SH3BP4: variants seen among roughly 807,000 people sequenced by gnomAD.
SH3BP4 encodes SH3 domain-binding protein 4.
A neutral mutation model predicts 65.5 loss-of-function variants in SH3BP4; 33 were observed. The observed-to-expected ratio is 0.50, with a 90% CI of 0.38 to 0.67. The LOEUF (loss-of-function observed/expected upper bound fraction) is 0.67, where lower values mean the gene tolerates loss of function less well. SH3BP4 is among the 30% of genes least tolerant of loss of function. The pLI, the probability that SH3BP4 is intolerant of heterozygous loss-of-function variation, is 0.00. For missense variants in SH3BP4, 1,134 were observed against 1,261.4 expected, an observed-to-expected ratio of 0.90 and a Z score of 1.53; for synonymous variants, 552 against 545.5, an observed-to-expected ratio of 1.01 and a Z score of -0.17.
At chr2:235,036,676 A>ACC (rs1423107885) in intron 3 of SH3BP4, among the ~76,000 whole-genome samples, 1 of 151,348 alleles carries the variant, frequency 6.6e-6, no homozygotes, top group Non-Finnish European at 1.5e-5. Flanking sequence ...AATCACTTGA[A>ACC]CCCAGGAGGC....
intron 1 of SH3BP4, among the ~76,000 whole-genome samples, chr2:234,989,588 T>C (rs1369115362): frequency 6.6e-6 from 1 of 152,214 alleles, no homozygotes; most frequent in Non-Finnish European, 1.5e-5. Context: ...AGAGAGTAAC[T>C]ATTTTCCACC....
At position 235,008,388 on chromosome 2, in the gene SH3BP4, G is replaced by A. The variant is rs187489261; in HGVS notation, c.-133+13012G>A. Among the ~76,000 whole-genome samples the A allele has an allele frequency of 5.3e-5, 8 of 152,290 alleles. No homozygotes were observed. In the East Asian group the frequency reaches 7.8e-4, roughly 15 times the overall value. ...GGCCCAGGAGGGCCAGAGAGAAAAC[G>A]CCAGGAAGAACCAGCCGAGGCCTAC... On this transcript the variant is annotated intron_variant, in intron 2 of 5. Coordinates refer to ENST00000392011, the MANE Select transcript of SH3BP4 (RefSeq NM_014521.3).
rs1693228075 is a variant in SH3BP4 at position 234,978,101 on chromosome 2, A to G, written c.-206-17202A>G. Reference sequence around the variant, plus strand: ...CTCCCGAGTAGCTGGGATTACAGGCATGCGCCACCATGCCGGCTAATTTTT... The same window carrying G: ...CTCCCGAGTAGCTGGGATTACAGGCGTGCGCCACCATGCCGGCTAATTTTT... On this transcript the variant is annotated intron_variant, in intron 1 of 5. Transcript: ENST00000392011. The surrounding 1 kb of genome is among the most constrained non-coding windows in gnomAD (Gnocchi z 4.1). Among the ~76,000 whole-genome samples, 2 of 151,828 alleles carry G rather than the reference A, an allele frequency of 1.3e-5. No individual in the cohort carries two copies. Among genetic ancestry groups the G allele is most frequent in the African/African-American group, 2.4e-5 (1 of 41,334 alleles).
At chr2:234,957,955 C>T (rs1692625655) in intron 1 of SH3BP4, among the ~76,000 whole-genome samples, 1 of 152,118 alleles carries the variant, frequency 6.6e-6, no homozygotes, top group East Asian at 1.9e-4. Flanking sequence ...ACAGGTCTGT[C>T]CTCCTCCAGG....
chr2:235,018,510 T>C (rs1422398166), intron 2 of SH3BP4, among the ~76,000 whole-genome samples: 1 of 152,184 alleles, frequency 6.6e-6, no homozygotes, highest in Admixed American at 6.5e-5. Flanking sequence ...GGAGGCTTTA[T>C]TGAATAGGTA....
At position 235,007,037 on chromosome 2, in the gene SH3BP4, C is replaced by T. The variant is rs540312934; in HGVS notation, c.-133+11661C>T. 3.2e-4 allele frequency among the ~76,000 whole-genome samples: 48 copies of T among 152,042 alleles called. No individual in the cohort carries two copies. In the East Asian group the frequency reaches 7.1e-3, roughly 23 times the overall value. On this transcript the variant is annotated intron_variant, in intron 2 of 5. Transcript: ENST00000392011. ...GAACATTTAGCACAGGGCCTGGCCA[C>T]GGGTAAAGGATGTCATCTTCCCCCG...
chr2:235,055,584 A>G lies in SH3BP4; in HGVS notation c.*1768A>G, dbSNP rs1461310940. The G allele has an allele frequency of 1.3e-5, 2 of 152,634 alleles. No homozygotes were observed. Among genetic ancestry groups the G allele is most frequent in the Admixed American group, 6.5e-5 (1 of 15,284 alleles). 9.5% of individuals were successfully genotyped at this position (152,634 alleles called of 1,614,324 possible). On this transcript the variant is annotated 3_prime_UTR_variant, in exon 6 of 6. Coordinates refer to ENST00000392011, the MANE Select transcript of SH3BP4 (RefSeq NM_014521.3). ...AGGGGCTTTAAATAGTTTCCTATGC[A>G]ACGTGTCTTGTAGCACAAATAAAAT... is the stretch of plus-strand genomic sequence containing the variant.
At position 234,977,869 on chromosome 2, in the gene SH3BP4, T is replaced by G. The variant is rs1242731372; in HGVS notation, c.-206-17434T>G. Among the ~76,000 whole-genome samples, 1 of 152,206 alleles carries G rather than the reference T, an allele frequency of 6.6e-6. No homozygotes were observed. The highest frequency in any genetic ancestry group is 1.5e-5 in the Non-Finnish European group (1 of 68,028). On this transcript the variant is annotated intron_variant, in intron 1 of 5. Coordinates refer to ENST00000392011, the MANE Select transcript of SH3BP4 (RefSeq NM_014521.3). This position sits in a 1 kb window ranked among gnomAD's most constrained non-coding sequence, Gnocchi z 5.1. ...GACCCTGCACTTGAGTTTCTAGTCT[T>G]AAGCAAGAAGGGTGTCACCGAGGTT...
Position 235,043,247 on chromosome 2 carries a change from G to A in SH3BP4, c.2478G>A (p.Met826Ile). ...AGTCCTTCCAGAAGGAGCTTGTGAT[G>A]GTGAGTGCTCAGCAGGTGCCTGGGC... Reference protein sequence around the residue: ...ERKSFQKELVMALLKMDCQGL... With the variant: ...ERKSFQKELVIALLKMDCQGL... Residue 826 changes from methionine (M) to isoleucine (I), a missense_variant and splice_region_variant, in exon 4 of 6, where the codon ATG becomes ATA. Transcript: ENST00000392011. 1.3e-6 allele frequency: 2 copies of A among 1,562,334 alleles called. No homozygotes were observed. Among genetic ancestry groups the A allele is most frequent in the Non-Finnish European group, 8.7e-7 (1 of 1,150,478 alleles).
At chr2:234,998,950 C>T (rs1312966957) in intron 2 of SH3BP4, among the ~76,000 whole-genome samples, 1 of 152,188 alleles carries the variant, frequency 6.6e-6, no homozygotes, top group Admixed American at 6.5e-5. Flanking sequence ...TCCCCGTAAT[C>T]AGCAGATAAT....
At chr2:234,960,998 G>A (rs1044996078) in intron 1 of SH3BP4, among the ~76,000 whole-genome samples, 3 of 152,190 alleles carry the variant, frequency 2.0e-5, no homozygotes, top group African/African-American at 7.2e-5. Context: ...ATGGCTCTTT[G>A]TTGGGACCTG....
chr2:235,042,115 T>C lies in SH3BP4; in HGVS notation c.1346T>C (p.Met449Thr), dbSNP rs1205780236. Reference protein sequence around the residue: ...QAQLHNLEPCMYVAVVAHGPS... With the variant: ...QAQLHNLEPCTYVAVVAHGPS... ...CAGCTGCACAACCTGGAGCCCTGTA[T>C]GTACGTGGCTGTCGTGGCCCATGGC... The change falls in exon 4 of 6, where the codon ATG (methionine) becomes ACG (threonine). Residue 449 changes from methionine (M) to threonine (T), a missense_variant. Coordinates refer to ENST00000392011, the MANE Select transcript of SH3BP4 (RefSeq NM_014521.3). This position sits in a 1 kb window ranked among gnomAD's most constrained non-coding sequence, Gnocchi z 7.3. 2 of 1,613,998 alleles carry C rather than the reference T, an allele frequency of 1.2e-6. No homozygotes were observed. Among genetic ancestry groups the C allele is most frequent in the Non-Finnish European group, 1.7e-6 (2 of 1,180,008 alleles).
At position 235,054,754 on chromosome 2, in the gene SH3BP4, C is replaced by T. The variant is rs1344215850; in HGVS notation, c.*938C>T. On this transcript the variant is annotated 3_prime_UTR_variant, in exon 6 of 6. Transcript: ENST00000392011. ...TCTTCTGTGGACAGGAAGAAAACTT[C>T]ATGACCGAATCAGAGCCTTGGTGGC... is the stretch of plus-strand genomic sequence containing the variant. 6.6e-6 allele frequency: 1 copy of T among 152,206 alleles called. No individual in the cohort carries two copies. Among genetic ancestry groups the T allele is most frequent in the African/African-American group, 2.4e-5 (1 of 41,454 alleles). 9.4% of individuals were successfully genotyped at this position (152,206 alleles called of 1,614,324 possible). A position where few individuals can be genotyped will look rare whatever the true frequency, so the allele number is the denominator to read the frequency against.
At chr2:234,980,627 G>T (rs1693347469) in intron 1 of SH3BP4, among the ~76,000 whole-genome samples, 1 of 152,196 alleles carries the variant, frequency 6.6e-6, no homozygotes. Context: ...TATCTAGGGA[G>T]TGCGGCTGGG....
chr2:235,043,040 C>T lies in SH3BP4; in HGVS notation c.2271C>T (p.Ser757=), dbSNP rs545496441. 9.4e-5 allele frequency: 151 copies of T among 1,611,504 alleles called. No individual in the cohort carries two copies. Among genetic ancestry groups the T allele is most frequent in the South Asian group, 9.0e-4 (82 of 90,958 alleles). The part of the protein sequence containing the change: ...PCKFLTYIYA[S]VRTLLMENIS... ...AATTCCTCACGTACATCTATGCCTC[C>T]GTGAGGACCCTGCTCATGGAGAACA... is the stretch of plus-strand genomic sequence containing the variant. Residue 757 remains serine (S), a synonymous_variant, in exon 4 of 6, where the codon TCC becomes TCT. Transcript: ENST00000392011.
intron 3 of SH3BP4, among the ~76,000 whole-genome samples, chr2:235,038,936 G>T (rs1695546158): frequency 6.6e-6 from 1 of 152,206 alleles, no homozygotes; most frequent in Non-Finnish European, 1.5e-5. Context: ...TTGGGGCCAG[G>T]AGATGTCTAT....
intron 1 of SH3BP4, chr2:234,979,126 CT>C (rs1426016830): frequency 6.6e-6 from 1 of 152,158 alleles, no homozygotes; most frequent in Non-Finnish European, 1.5e-5. Flanking sequence ...GGTCCCTGAA[CT>C]TTGAGTAGAT....
chr2:234,999,104 A>G (rs967077812), intron 2 of SH3BP4, among the ~76,000 whole-genome samples: 12 of 152,344 alleles, frequency 7.9e-5, no homozygotes, highest in African/African-American at 2.4e-4. Context: ...TGGTGAGGCC[A>G]TCAGCTGCCG....
intron 1 of SH3BP4, chr2:234,981,767 T>A (rs1365997203): frequency 6.6e-6 from 1 of 152,218 alleles, no homozygotes; most frequent in Non-Finnish European, 1.5e-5. Context: ...TGGGAGTGAC[T>A]GCTTTGTTTT....
Sources: allele counts gnomAD v4.1 joint callset (sites outside exome capture counted in the v4.1 genomes callset), GRCh38; gene constraint gnomAD v4.1.1; non-coding constraint Gnocchi (gnomAD v3.1); transcripts MANE v1.5; gene names NCBI Gene and HGNC (gene_info 2026-07-23, HGNC 2026-07-21).